Variants in ING3 observed in about 807,000 individuals in gnomAD.
The protein encoded by ING3 is inhibitor of growth family member 3, also known as inhibitor of growth protein 3.
In ING3, 6 loss-of-function variants were observed where a neutral mutation model predicts 64.8. The observed-to-expected ratio is 0.09, with a 90% confidence interval of 0.05 to 0.18. The LOEUF is 0.18. Among genes scored for constraint, ING3 ranks in the 10% least tolerant of loss-of-function variants. The probability of loss-of-function intolerance (pLI) is 1.00; values close to 1 mark genes in which losing one functional copy is unlikely to be tolerated. For synonymous variants in ING3, 170 were observed against 173.7 expected (o/e 0.98, Z 0.17); for missense variants, 310 against 489.7 (o/e 0.63, Z 3.46).
chr7:120,964,697 A>G (rs1489352736), intron 4 of ING3, 45 bp from the exon 5 acceptor site: 7 of 1,490,000 alleles, frequency 4.7e-6, no homozygotes, highest in African/African-American at 1.4e-5. Context: ...ACACTTTAAC[A>G]GTGTCCCAAA....
At chr7:120,971,086 A>T (rs1344044305) in intron 10 of ING3, among the ~76,000 whole-genome samples, 1 of 152,224 alleles carries the variant, frequency 6.6e-6, no homozygotes, top group Non-Finnish European at 1.5e-5. Flanking sequence ...CTCAGATACA[A>T]CCTGTAACTA....
chr7:120,956,128 G>T (rs1290830707), intron 4 of ING3: 7 of 1,479,224 alleles, frequency 4.7e-6, no homozygotes, highest in Non-Finnish European at 6.6e-6. Flanking sequence ...AATACAAGAT[G>T]ACAAACTTTA....
intron 11 of ING3, among the ~76,000 whole-genome samples, chr7:120,973,794 A>T (rs1045415034): frequency 6.6e-6 from 1 of 152,162 alleles, no homozygotes; most frequent in Non-Finnish European, 1.5e-5. Flanking sequence ...TTAGTTAGAG[A>T]TACGTTTTTT....
chr7:120,953,861 C>T (rs1795804340), intron 3 of ING3, among the ~76,000 whole-genome samples: 1 of 152,162 alleles, frequency 6.6e-6, no homozygotes, highest in Non-Finnish European at 1.5e-5. Flanking sequence ...TAAATTTGCA[C>T]ACGAATTGGT....
At position 120,976,611 on chromosome 7, in the gene ING3, A is replaced by G. The variant is rs1323042202; in HGVS notation, c.*1767A>G. 1 of 152,196 alleles carries G rather than the reference A, an allele frequency of 6.6e-6. No homozygotes were observed. The highest frequency in any genetic ancestry group is 2.4e-5 in the African/African-American group (1 of 41,460). 9.4% of individuals were successfully genotyped at this position (152,196 alleles called of 1,614,324 possible). On this transcript the variant is annotated 3_prime_UTR_variant, in exon 12 of 12. Transcript: ENST00000315870. Reference sequence around the variant, plus strand: ...AAGTATATTGCCTGGAAATGCTCACATGTATCATTTACATCCTCTATATAT... The same window carrying G: ...AAGTATATTGCCTGGAAATGCTCACGTGTATCATTTACATCCTCTATATAT...
Position 120,966,233 on chromosome 7 carries a change from A to G in ING3, c.365-393A>G, listed in dbSNP as rs983912329. Among the ~76,000 whole-genome samples the G allele has an allele frequency of 4.6e-5, 7 of 152,208 alleles. No individual in the cohort carries two copies. In the East Asian group the frequency reaches 1.2e-3, roughly 25 times the overall value. ...TTTTCATATAGTAATGTCCCCCATC[A>G]CGTAGAACTTCAGAATCTCCCATTA... is the stretch of plus-strand genomic sequence containing the variant. On this transcript the variant is annotated intron_variant, in intron 5 of 11. Transcript: ENST00000315870.
At chr7:120,956,572 G>A in intron 4 of ING3, 1 of 993,802 alleles carries the variant, frequency 1.0e-6, no homozygotes, top group Non-Finnish European at 1.2e-6. Context: ...ACATTTTAAT[G>A]GTGCTAACAA....
Position 120,950,818 on chromosome 7 carries a change from A to T in ING3, c.-79A>T. ...GCTGCTAGCGGAGGCGCCATATTGGAGGGGACAAAACTCCGGCGACAGCGA... is the reference window on the plus strand; with the variant it reads ...GCTGCTAGCGGAGGCGCCATATTGGTGGGGACAAAACTCCGGCGACAGCGA... On this transcript the variant is annotated 5_prime_UTR_variant, in exon 1 of 12. Coordinates refer to ENST00000315870, the MANE Select transcript of ING3 (RefSeq NM_019071.3). The T allele has an allele frequency of 9.0e-7, 1 of 1,105,212 alleles. No individual in the cohort carries two copies. The highest frequency in any genetic ancestry group is 1.2e-6 in the Non-Finnish European group (1 of 825,884). The allele number at this position is 1,105,212 out of a possible 1,614,324, so 68.5% of individuals were successfully genotyped here.
At chr7:120,961,275 A>T (rs960673417) in intron 4 of ING3, among the ~76,000 whole-genome samples, 6 of 152,182 alleles carry the variant, frequency 3.9e-5, no homozygotes, top group African/African-American at 1.4e-4. Context: ...ATGACCTGTT[A>T]TCTGAGAAAT....
chr7:120,966,035 G>A (rs916159228), intron 5 of ING3, among the ~76,000 whole-genome samples: 7 of 152,064 alleles, frequency 4.6e-5, no homozygotes, highest in Non-Finnish European at 8.8e-5. Context: ...TCCACCCTGT[G>A]CCCTGCCATA....
chr7:120,968,845 C>CAAA (rs377274991), intron 8 of ING3, among the ~76,000 whole-genome samples, 166 bp from the exon 9 acceptor site: 12 of 59,262 alleles, frequency 2.0e-4, no homozygotes, highest in South Asian at 7.5e-4. Context: ...AACTCCACCT[C>CAAA]AAAAAAAAAA....
At chr7:120,951,029 GTTTC>G (rs2116641410) in intron 1 of ING3, 105 bp downstream of exon 1, 3 of 1,510,088 alleles carry the variant, frequency 2.0e-6, no homozygotes, top group African/African-American at 2.7e-5. Context: ...GGCGGGGGAT[GTTTC>G]TTTCTCACGG....
intron 4 of ING3, among the ~76,000 whole-genome samples, chr7:120,963,456 AGTT>A (rs933771603): frequency 7.4e-4 from 112 of 151,328 alleles, no homozygotes; most frequent in African/African-American, 2.6e-3. Context: ...AAAAAAAAAC[AGTT>A]GTTTTCTGCA....
chr7:120,950,903 T>C lies in ING3; in HGVS notation c.7T>C (p.Tyr3His), dbSNP rs1461735101. 1 of 1,613,390 alleles carries C rather than the reference T, an allele frequency of 6.2e-7. No individual in the cohort carries two copies. Among genetic ancestry groups the C allele is most frequent in the Non-Finnish European group, 8.5e-7 (1 of 1,179,754 alleles). The change falls in exon 1 of 12, where the codon TAC (tyrosine) becomes CAC (histidine). Residue 3 changes from tyrosine to histidine, a missense_variant. This residue lies in a region of ING3 where 53 missense variants were observed against 116.2 expected (regional missense o/e 0.46). Coordinates refer to ENST00000315870, the MANE Select transcript of ING3 (RefSeq NM_019071.3). ML[Y>H]LEDYLEMIEQ... ...CTCAGCTCTAAGGGCCGCGATGTTG[T>C]ACCTAGAAGACTATCTGGAAAGTGA...
chr7:120,951,000 A>C (rs1414806002), intron 1 of ING3, 76 bp downstream of exon 1: 3 of 661,066 alleles, frequency 4.5e-6, no homozygotes, highest in East Asian at 9.6e-5. Context: ...GGGCAGCGAG[A>C]TGGCGGGAGG....
intron 6 of ING3, 132 bp from the exon 7 acceptor site, chr7:120,967,397 G>A (rs1475183904): frequency 7.3e-6 from 4 of 544,468 alleles, no homozygotes; most frequent in Non-Finnish European, 1.2e-5. Flanking sequence ...TGCCTTCTGA[G>A]GAAACATCAT....
intron 9 of ING3, among the ~76,000 whole-genome samples, chr7:120,970,479 A>T (rs922866174): frequency 6.6e-6 from 1 of 151,980 alleles, no homozygotes; most frequent in Admixed American, 6.6e-5. Context: ...AAAAAAAAAA[A>T]ATACAAATAA....
chr7:120,971,236 C>T (rs943227606), intron 10 of ING3, among the ~76,000 whole-genome samples: 9 of 152,152 alleles, frequency 5.9e-5, no homozygotes, highest in African/African-American at 2.2e-4. Context: ...ATCAAGGTGT[C>T]CACTGACTCA....
chr7:120,974,594 A>G, intron 11 of ING3, 134 bp from the exon 12 acceptor site: 1 of 502,238 alleles, frequency 2.0e-6, no homozygotes, highest in Non-Finnish European at 3.7e-6. Flanking sequence ...AATAATCTAG[A>G]TCTAAAAATT....
Sources: gnomAD v4.1 joint callset for allele counts (sites outside exome capture counted in the v4.1 genomes callset) on GRCh38, gnomAD v4.1.1 for gene constraint, gnomAD v4.1.1 regional missense constraint, MANE v1.5 for transcripts, NCBI Gene and HGNC (gene_info 2026-07-23, HGNC 2026-07-21) for gene names.